Variants in PHOSPHO2 observed in about 807,000 individuals in gnomAD.
PHOSPHO2 encodes pyridoxal phosphate phosphatase PHOSPHO2.
In PHOSPHO2, 14 loss-of-function variants were observed where a neutral mutation model predicts 16.4. The observed-to-expected ratio is 0.85, with a 90% CI of 0.56 to 1.33. The LOEUF is 1.33. Ranked by LOEUF, PHOSPHO2 falls within the 40% of genes most tolerant of loss-of-function variation. PHOSPHO2 has a pLI of 0.00. For missense variants in PHOSPHO2, 246 were observed against 282.5 expected (o/e 0.87, Z 0.93); for synonymous variants, 85 against 90.5 (o/e 0.94, Z 0.34).
intron 1 of PHOSPHO2, among the ~76,000 whole-genome samples, chr2:169,694,960 ATATT>A (rs950072653): frequency 6.6e-6 from 1 of 152,244 alleles, no homozygotes; most frequent in African/African-American, 2.4e-5. Context: ...TATGCTTAGA[ATATT>A]TACGTTAGGA....
At chr2:169,700,788 T>A (rs903804725) in intron 3 of PHOSPHO2, among the ~76,000 whole-genome samples, 158 bp from the exon 4 acceptor site, 11 of 152,168 alleles carry the variant, frequency 7.2e-5, no homozygotes, top group Non-Finnish European at 1.5e-4. Flanking sequence ...CTTTGCTTCT[T>A]AGAGAAAAGT....
At position 169,694,472 on chromosome 2, in the gene PHOSPHO2, G is replaced by A; in HGVS notation, c.-381G>A. 7 of 770,574 alleles carry A rather than the reference G, an allele frequency of 9.1e-6. No homozygotes were observed. The highest frequency in any genetic ancestry group is 1.7e-5 in the African/African-American group (1 of 58,470). The allele number at this position is 770,574 out of a possible 1,614,324, so 47.7% of individuals were successfully genotyped here. On this transcript the variant is annotated 5_prime_UTR_variant, in exon 1 of 4. Coordinates refer to ENST00000359744, the MANE Select transcript of PHOSPHO2 (RefSeq NM_001008489.4). ...GCCGAGGAACAAGGGAGGTGCTGCA[G>A]TTGGCGGTCGGGCTAGAGAAGAGAG...
chr2:169,701,036 T>C lies in PHOSPHO2; in HGVS notation c.65T>C (p.Ile22Thr), dbSNP rs748230896. 6 of 1,613,550 alleles carry C rather than the reference T, an allele frequency of 3.7e-6. No homozygotes were observed. Among genetic ancestry groups the C allele is most frequent in the Non-Finnish European group, 5.1e-6 (6 of 1,179,916 alleles). ...ATAGATGACAATAGTGACACTTGGA[T>C]TGTACAATGTGCTCCCAACAAAAAG... is the stretch of plus-strand genomic sequence containing the variant. ...TIIDDNSDTW[I>T]VQCAPNKKLP... The change falls in exon 4 of 4, where the codon ATT (isoleucine) becomes ACT (threonine). Residue 22 changes from isoleucine to threonine, a missense_variant. Coordinates refer to ENST00000359744, the MANE Select transcript of PHOSPHO2 (RefSeq NM_001008489.4).
chr2:169,696,260 A>T (rs762756072), intron 2 of PHOSPHO2, among the ~76,000 whole-genome samples: 3 of 152,218 alleles, frequency 2.0e-5, no homozygotes, highest in Non-Finnish European at 2.9e-5. Context: ...TTAATAAGGT[A>T]GCATATGCAC....
chr2:169,697,121 T>G (rs1207651495), intron 2 of PHOSPHO2, among the ~76,000 whole-genome samples: 1 of 151,922 alleles, frequency 6.6e-6, no homozygotes, highest in South Asian at 2.1e-4. Flanking sequence ...GTTCATACCA[T>G]TCTCCTGCCT....
In PHOSPHO2 at chr2:169,701,331, AGT is replaced by A. The variant is rs763024741; in HGVS notation, c.363_364del (p.Phe122TyrfsTer7). The A allele has an allele frequency of 6.2e-7, 1 of 1,612,962 alleles. No individual in the cohort carries two copies. Among genetic ancestry groups the A allele is most frequent in the Non-Finnish European group, 8.5e-7 (1 of 1,179,634 alleles). ...CCAGTTTTCATGACATATTTGATAA[AGT>A]GTTTACAAATCCAGCAGCTTTTAAT... ...AASFHDIFDKVFTNPAAFNSN... is the reference protein window; with the variant it reads ...AASFHDIFDKXFTNPAAFNSN... On this transcript the variant is annotated frameshift_variant, in exon 4 of 4. Transcript: ENST00000359744. LOFTEE classifies it high-confidence loss of function.
Position 169,694,589 on chromosome 2 carries a change from C to T in PHOSPHO2, c.-264C>T, listed in dbSNP as rs1318328762. 3.6e-6 allele frequency: 2 copies of T among 561,926 alleles called. No homozygotes were observed. Among genetic ancestry groups the T allele is most frequent in the Non-Finnish European group, 6.4e-6 (2 of 311,788 alleles). 34.8% of individuals were successfully genotyped at this position (561,926 alleles called of 1,614,324 possible). On this transcript the variant is annotated 5_prime_UTR_variant, in exon 1 of 4. It adds an upstream start codon to the 5' untranslated region. Coordinates refer to ENST00000359744, the MANE Select transcript of PHOSPHO2 (RefSeq NM_001008489.4). The stretch of plus-strand genomic sequence containing the variant: ...AAGGACTGAACCCGCAGGAGCGTCA[C>T]GGGCGCCGGGGCGGCTGCCGACGGC...
chr2:169,694,490 G>A lies in PHOSPHO2; in HGVS notation c.-363G>A. Reference sequence around the variant, plus strand: ...TGCTGCAGTTGGCGGTCGGGCTAGAGAAGAGAGGCGCCTGCGCTTGCGAGC... The same window carrying A: ...TGCTGCAGTTGGCGGTCGGGCTAGAAAAGAGAGGCGCCTGCGCTTGCGAGC... On this transcript the variant is annotated 5_prime_UTR_variant, in exon 1 of 4. Transcript: ENST00000359744. 2.9e-6 allele frequency: 2 copies of A among 696,246 alleles called. No individual in the cohort carries two copies. Among genetic ancestry groups the A allele is most frequent in the African/African-American group, 1.8e-5 (1 of 56,704 alleles). The allele number at this position is 696,246 out of a possible 1,614,324, so 43.1% of individuals were successfully genotyped here. A position where few individuals can be genotyped will look rare whatever the true frequency, so the allele number is the denominator to read the frequency against.
intron 2 of PHOSPHO2, among the ~76,000 whole-genome samples, chr2:169,696,719 T>G (rs1230019621): frequency 2.6e-5 from 4 of 152,232 alleles, no homozygotes; most frequent in Non-Finnish European, 4.4e-5. Context: ...AACTAAATCT[T>G]TGTTCATATT....
intron 1 of PHOSPHO2, 133 bp downstream of exon 1, chr2:169,694,755 C>T (rs1687447673): frequency 3.5e-6 from 1 of 287,610 alleles, no homozygotes; most frequent in South Asian, 3.7e-5. Flanking sequence ...TGTGAGCGCG[C>T]GAGGCCTAGG....
chr2:169,699,240 C>T (rs1471186293), intron 3 of PHOSPHO2, among the ~76,000 whole-genome samples: 2 of 151,472 alleles, frequency 1.3e-5, no homozygotes, highest in Non-Finnish European at 2.9e-5. Context: ...GATTCAGCTC[C>T]CACTTATAAG....
At position 169,701,406 on chromosome 2, in the gene PHOSPHO2, TA is replaced by T; in HGVS notation, c.436del (p.Arg146AspfsTer10). On this transcript the variant is annotated frameshift_variant, in exon 4 of 4. Coordinates refer to ENST00000359744, the MANE Select transcript of PHOSPHO2 (RefSeq NM_001008489.4). LOFTEE classifies it high-confidence loss of function. ...AAAATTATCATACTCATTCTTGCAATAGATGCCCAAAGAATCTTTGCAAAAA... is the reference window on the plus strand; with the variant it reads ...AAAATTATCATACTCATTCTTGCAATGATGCCCAAAGAATCTTTGCAAAAA... Reference protein sequence around the residue: ...VENYHTHSCNRCPKNLCKKVV... With the variant: ...VENYHTHSCNXCPKNLCKKVV... 1 of 1,613,528 alleles carries T rather than the reference TA, an allele frequency of 6.2e-7. No individual in the cohort carries two copies. Among genetic ancestry groups the T allele is most frequent in the Non-Finnish European group, 8.5e-7 (1 of 1,179,872 alleles).
At position 169,694,522 on chromosome 2, in the gene PHOSPHO2, T is replaced by C; in HGVS notation, c.-331T>C. 1 of 643,432 alleles carries C rather than the reference T, an allele frequency of 1.6e-6. No individual in the cohort carries two copies. Among genetic ancestry groups the C allele is most frequent in the Non-Finnish European group, 2.8e-6 (1 of 358,512 alleles). 39.9% of individuals were successfully genotyped at this position (643,432 alleles called of 1,614,324 possible). On this transcript the variant is annotated 5_prime_UTR_variant, in exon 1 of 4. Coordinates refer to ENST00000359744, the MANE Select transcript of PHOSPHO2 (RefSeq NM_001008489.4). ...GGCGCCTGCGCTTGCGAGCTGGGCTTGTGAGTGGGGCTGCCGAGAGGGCAG... is the reference window on the plus strand; with the variant it reads ...GGCGCCTGCGCTTGCGAGCTGGGCTCGTGAGTGGGGCTGCCGAGAGGGCAG...
At position 169,694,502 on chromosome 2, in the gene PHOSPHO2, C is replaced by G. The variant is rs1687428854; in HGVS notation, c.-351C>G. The G allele has an allele frequency of 1.5e-6, 1 of 671,940 alleles. No homozygotes were observed. The highest frequency in any genetic ancestry group is 2.7e-6 in the Non-Finnish European group (1 of 376,056). 41.6% of individuals were successfully genotyped at this position (671,940 alleles called of 1,614,324 possible). A position where few individuals can be genotyped will look rare whatever the true frequency, so the allele number is the denominator to read the frequency against. On this transcript the variant is annotated 5_prime_UTR_variant, in exon 1 of 4. Transcript: ENST00000359744. ...CGGTCGGGCTAGAGAAGAGAGGCGC[C>G]TGCGCTTGCGAGCTGGGCTTGTGAG...
Position 169,701,257 on chromosome 2 carries a change from A to G in PHOSPHO2, c.286A>G (p.Ile96Val). 1 of 1,613,758 alleles carries G rather than the reference A, an allele frequency of 6.2e-7. No homozygotes were observed. Among genetic ancestry groups the G allele is most frequent in the Non-Finnish European group, 8.5e-7 (1 of 1,179,870 alleles). Residue 96 changes from isoleucine to valine, a missense_variant, in exon 4 of 4, where the codon ATT becomes GTT. By Grantham distance (29) the Ile-to-Val change is conservative. Coordinates refer to ENST00000359744, the MANE Select transcript of PHOSPHO2 (RefSeq NM_001008489.4). ...RKNKDKFDCI[I>V]ISDSNSVFID... ...GAATAAGGATAAATTTGACTGCATTATTATTTCAGATTCAAATTCGGTCTT... is the reference window on the plus strand; with the variant it reads ...GAATAAGGATAAATTTGACTGCATTGTTATTTCAGATTCAAATTCGGTCTT...
chr2:169,699,197 C>T (rs1417747252), intron 3 of PHOSPHO2, among the ~76,000 whole-genome samples: 4 of 150,924 alleles, frequency 2.7e-5, no homozygotes, highest in Non-Finnish European at 5.9e-5. Context: ...TGACAGGTCC[C>T]AGGGTATGTT....
chr2:169,700,508 C>T (rs1289533916), intron 3 of PHOSPHO2, among the ~76,000 whole-genome samples: 1 of 151,890 alleles, frequency 6.6e-6, no homozygotes, highest in African/African-American at 2.4e-5. Context: ...TATTTTACAT[C>T]TTCCAAGATT....
intron 2 of PHOSPHO2, among the ~76,000 whole-genome samples, chr2:169,695,602 C>A (rs1687494972): frequency 6.6e-6 from 1 of 151,544 alleles, no homozygotes; most frequent in Non-Finnish European, 1.5e-5. Context: ...CGTGCCACTG[C>A]ACTCCAGCCT....
Position 169,694,513 on chromosome 2 carries a change from A to G in PHOSPHO2, c.-340A>G. 1 of 655,692 alleles carries G rather than the reference A, an allele frequency of 1.5e-6. No homozygotes were observed. Among genetic ancestry groups the G allele is most frequent in the Non-Finnish European group, 2.7e-6 (1 of 365,660 alleles). The allele number at this position is 655,692 out of a possible 1,614,324, so 40.6% of individuals were successfully genotyped here. Reference sequence around the variant, plus strand: ...GAGAAGAGAGGCGCCTGCGCTTGCGAGCTGGGCTTGTGAGTGGGGCTGCCG... The same window carrying G: ...GAGAAGAGAGGCGCCTGCGCTTGCGGGCTGGGCTTGTGAGTGGGGCTGCCG... On this transcript the variant is annotated 5_prime_UTR_variant, in exon 1 of 4. Coordinates refer to ENST00000359744, the MANE Select transcript of PHOSPHO2 (RefSeq NM_001008489.4).
Sources: allele counts gnomAD v4.1 joint callset (sites outside exome capture counted in the v4.1 genomes callset), GRCh38; gene constraint gnomAD v4.1.1; transcripts MANE v1.5; gene names NCBI Gene and HGNC (gene_info 2026-07-23, HGNC 2026-07-21).